KIAA1217: variants seen among roughly 807,000 people sequenced by gnomAD.
KIAA1217 encodes the protein sickle tail protein homolog.
Under a neutral mutation model 163.9 loss-of-function variants are expected in KIAA1217, and 88 were observed. That is an observed-to-expected ratio of 0.54 (90% CI 0.45 to 0.64). The LOEUF is 0.64. KIAA1217 is among the 30% of genes least tolerant of loss of function. The pLI is 0.00. For synonymous variants in KIAA1217, 903 were observed against 923.1 expected, an observed-to-expected ratio of 0.98 and a Z score of 0.39; for missense variants, 2,372 against 2,475.0, an observed-to-expected ratio of 0.96 and a Z score of 0.88.
intron 4 of KIAA1217, among the ~76,000 whole-genome samples, chr10:24,436,239 G>A (rs2060010454): frequency 6.6e-6 from 1 of 151,970 alleles, no homozygotes; most frequent in Non-Finnish European, 1.5e-5. Flanking sequence ...AAATTTGTCT[G>A]TAATTTTACT....
intron 1 of KIAA1217, among the ~76,000 whole-genome samples, chr10:23,990,701 G>A (rs1013555843): frequency 6.6e-6 from 1 of 152,070 alleles, no homozygotes; most frequent in Non-Finnish European, 1.5e-5. Context: ...ACTATAGGAA[G>A]AGCAAAGAGT....
At chr10:23,717,449 C>T (rs1837640559) in intron 1 of KIAA1217, among the ~76,000 whole-genome samples, 1 of 152,110 alleles carries the variant, frequency 6.6e-6, no homozygotes, top group South Asian at 2.1e-4. Flanking sequence ...CACTGGAGAA[C>T]TCACAAGGCG....
At chr10:23,794,925 T>G (rs1208312960) in intron 1 of KIAA1217, among the ~76,000 whole-genome samples, 1 of 152,236 alleles carries the variant, frequency 6.6e-6, no homozygotes, top group Non-Finnish European at 1.5e-5. Context: ...GAATAGCTGA[T>G]TACATTTCGC....
chr10:24,520,373 A>C lies in KIAA1217; in HGVS notation c.2308+120A>C, dbSNP rs2070909592. 3 of 1,394,144 alleles carry C rather than the reference A, an allele frequency of 2.2e-6. No homozygotes were observed. The Admixed American group carries it at 6.0e-5, about 28-fold the overall frequency. The allele number at this position is 1,394,144 out of a possible 1,614,324, so 86.4% of individuals were successfully genotyped here. A position where few individuals can be genotyped will look rare whatever the true frequency, so the allele number is the denominator to read the frequency against. ...TATTTATTAAACGTCTACATGTGCC[A>C]GGCATTGTTCTGGACACTTGGGATA... On this transcript the variant is annotated intron_variant, in intron 11 of 20. Transcript: ENST00000376454.
chr10:24,527,719 G>C (rs1326585273), intron 13 of KIAA1217, among the ~76,000 whole-genome samples: 1 of 151,970 alleles, frequency 6.6e-6, no homozygotes, highest in Non-Finnish European at 1.5e-5. Context: ...CTTTTTTAAA[G>C]TTCAGGGGTA....
At chr10:24,490,877 A>T (rs760326217) in intron 6 of KIAA1217, among the ~76,000 whole-genome samples, 10 of 152,224 alleles carry the variant, frequency 6.6e-5, no homozygotes, top group Non-Finnish European at 4.4e-5. Flanking sequence ...GAACGAGGCC[A>T]TCCAGGGAGC....
chr10:23,852,108 G>C (rs1385266867), intron 1 of KIAA1217, among the ~76,000 whole-genome samples: 1 of 152,130 alleles, frequency 6.6e-6, no homozygotes, highest in East Asian at 1.9e-4. Flanking sequence ...GTCCTGAATG[G>C]TAATGCCTAG....
chr10:24,027,306 C>T lies in KIAA1217; in HGVS notation c.-171+19932C>T, dbSNP rs140344631. 2.5e-3 allele frequency among the ~76,000 whole-genome samples: 386 copies of T among 152,194 alleles called. 2 individuals carry two copies. The highest frequency in any genetic ancestry group is 8.8e-3 in the African/African-American group (364 of 41,532). On this transcript the variant is annotated intron_variant, in intron 2 of 18. Coordinates refer to the KIAA1217 transcript ENST00000376462. ...CCTGGGGCATTCACTGGGCTTACCA[C>T]ATTTGTTTGTATTCTCTTAGCAATC...
At chr10:24,378,982 T>G (rs1286075468) in intron 2 of KIAA1217, among the ~76,000 whole-genome samples, 2 of 152,234 alleles carry the variant, frequency 1.3e-5, no homozygotes, top group East Asian at 3.8e-4. Context: ...TATTACCTTC[T>G]GCAATGGAAA....
upstream of KIAA1217, among the ~76,000 whole-genome samples, chr10:24,207,064 C>T (rs554802774): frequency 2.4e-4 from 37 of 152,208 alleles, no homozygotes; most frequent in Non-Finnish European, 5.1e-4. Context: ...GGCCCTGGGG[C>T]AGGGTGCTGT....
chr10:24,164,960 T>C (rs1299601731), intron 2 of KIAA1217, among the ~76,000 whole-genome samples: 1 of 152,152 alleles, frequency 6.6e-6, no homozygotes, highest in Non-Finnish European at 1.5e-5. Flanking sequence ...GAAGATTGCA[T>C]TGAAGAGAAG....
At chr10:24,064,274 G>A (rs1299695336) in intron 2 of KIAA1217, among the ~76,000 whole-genome samples, 1 of 152,088 alleles carries the variant, frequency 6.6e-6, no homozygotes, top group Non-Finnish European at 1.5e-5. Flanking sequence ...TATTGGCTGT[G>A]GGTTTGTCAT....
intron 1 of KIAA1217, among the ~76,000 whole-genome samples, chr10:23,729,734 C>T (rs1838367757): frequency 6.6e-6 from 1 of 152,006 alleles, no homozygotes; most frequent in African/African-American, 2.4e-5. Context: ...CAGTCAGTGG[C>T]TTGTCTTCTA....
intron 17 of KIAA1217, among the ~76,000 whole-genome samples, chr10:24,541,554 C>A (rs1407604949): frequency 6.6e-6 from 1 of 152,138 alleles, no homozygotes; most frequent in African/African-American, 2.4e-5. Flanking sequence ...TTTAACCAAG[C>A]AGCCTTCATG....
chr10:23,969,625 T>C (rs887483050), intron 1 of KIAA1217, among the ~76,000 whole-genome samples: 1 of 152,238 alleles, frequency 6.6e-6, no homozygotes, highest in Non-Finnish European at 1.5e-5. Context: ...TTTTAATTGG[T>C]TATTTATATC....
chr10:24,247,742 A>C (rs1157750454), intron 2 of KIAA1217, among the ~76,000 whole-genome samples: 1 of 152,194 alleles, frequency 6.6e-6, no homozygotes, highest in Non-Finnish European at 1.5e-5. Context: ...TGGAGCTTGC[A>C]GTGAGCTGAG....
intron 1 of KIAA1217, among the ~76,000 whole-genome samples, chr10:23,746,229 T>G (rs1250533062): frequency 6.6e-6 from 1 of 152,182 alleles, no homozygotes; most frequent in African/African-American, 2.4e-5. Context: ...CCATCCCCTC[T>G]GTCTTGCCTC....
intron 1 of KIAA1217, among the ~76,000 whole-genome samples, chr10:24,003,950 T>C (rs1473568190): frequency 2.6e-5 from 4 of 152,182 alleles, no homozygotes; most frequent in Non-Finnish European, 5.9e-5. Flanking sequence ...ATCCAAAATA[T>C]TTCAGAGACC....
At position 24,528,346 on chromosome 10, in the gene KIAA1217, G is replaced by A. The variant is rs117640916; in HGVS notation, c.3082+227G>A. On this transcript the variant is annotated intron_variant, in intron 14 of 20. Transcript: ENST00000376454. ...TGTTTTTTTTTTTGTTTTTGAAATG[G>A]GGTCTTGCTCTGCCACCCAGGCTGG... Among the ~76,000 whole-genome samples the A allele has an allele frequency of 3.8e-4, 54 of 142,250 alleles. No individual in the cohort carries two copies. In the East Asian group the frequency reaches 0.01, roughly 28 times the overall value. 93.3% of individuals were successfully genotyped at this position (142,250 alleles called of 152,430 possible).
Sources: gnomAD v4.1 joint callset for allele counts (sites outside exome capture counted in the v4.1 genomes callset) on GRCh38, gnomAD v4.1.1 for gene constraint, MANE v1.5 for transcripts, NCBI Gene and HGNC (gene_info 2026-07-23, HGNC 2026-07-21) for gene names.